RUFY2: variants seen among roughly 807,000 people sequenced by gnomAD.
The protein encoded by RUFY2 is RUN and FYVE domain containing 2, also known as RUN and FYVE domain-containing protein 2.
Under a neutral mutation model 94.4 loss-of-function variants are expected in RUFY2, and 49 were observed. That is an observed-to-expected ratio of 0.52 (90% confidence interval 0.41 to 0.66). The LOEUF (loss-of-function observed/expected upper bound fraction) is 0.66, where lower values mean the gene tolerates loss of function less well. Among genes scored for constraint, RUFY2 ranks in the 30% least tolerant of loss-of-function variants. The pLI, the probability that RUFY2 is intolerant of heterozygous loss-of-function variation, is 0.00. For missense variants in RUFY2, 541 were observed against 692.8 expected (o/e 0.78, Z 2.46); for synonymous variants, 255 against 235.7 (o/e 1.08, Z -0.75).
intron 2 of RUFY2, among the ~76,000 whole-genome samples, chr10:68,403,612 G>A (rs1169456053): frequency 1.3e-5 from 2 of 152,096 alleles, no homozygotes; most frequent in African/African-American, 4.8e-5. Flanking sequence ...TGTTGTTTAT[G>A]TACAAAAAGA....
intron 16 of RUFY2, among the ~76,000 whole-genome samples, chr10:68,349,830 G>GC (rs2046542773): frequency 6.6e-6 from 1 of 151,794 alleles, no homozygotes; most frequent in African/African-American, 2.4e-5. Flanking sequence ...GAGCCACCGC[G>GC]CCCGGCCAGA....
chr10:68,370,445 T>C (rs1038362206), intron 13 of RUFY2, among the ~76,000 whole-genome samples: 1 of 146,866 alleles, frequency 6.8e-6, no homozygotes, highest in African/African-American at 2.5e-5. Flanking sequence ...GCATTTCTTT[T>C]TTCTTTTTTT....
chr10:68,361,100 G>C (rs893104170), intron 15 of RUFY2, among the ~76,000 whole-genome samples: 11 of 151,988 alleles, frequency 7.2e-5, no homozygotes, highest in African/African-American at 2.4e-4. Flanking sequence ...TGGCCAACAT[G>C]GTAAAACGCT....
intron 13 of RUFY2, among the ~76,000 whole-genome samples, chr10:68,365,797 G>A (rs2047766931): frequency 6.6e-6 from 1 of 152,044 alleles, no homozygotes; most frequent in Non-Finnish European, 1.5e-5. Context: ...GAGTTTCCAA[G>A]AACCGTTGAT....
chr10:68,398,569 T>C (rs1248239006), intron 3 of RUFY2, among the ~76,000 whole-genome samples: 4 of 152,218 alleles, frequency 2.6e-5, no homozygotes, highest in South Asian at 2.1e-4. Flanking sequence ...GGAGAATCGC[T>C]TGAACCCAGG....
At chr10:68,372,583 T>TTA (rs1383576076) in intron 13 of RUFY2, among the ~76,000 whole-genome samples, 6 of 96,368 alleles carry the variant, frequency 6.2e-5, no homozygotes, top group African/African-American at 2.4e-4. Context: ...CCTCTCTCTT[T>TTA]AAAAAAAAAA....
chr10:68,382,599 A>T (rs936474681), intron 10 of RUFY2, among the ~76,000 whole-genome samples: 5 of 151,232 alleles, frequency 3.3e-5, no homozygotes, highest in Non-Finnish European at 5.9e-5. Context: ...CTATAGTCCC[A>T]GCTACTCGGG....
chr10:68,343,129 T>A (rs1467311284), downstream of RUFY2: 1 of 152,246 alleles, frequency 6.6e-6, no homozygotes, highest in Middle Eastern at 3.2e-3. Context: ...GTGAATTCAG[T>A]TATTGAACTT....
At chr10:68,379,391 GA>G (rs780930417) in intron 12 of RUFY2, 32 bp downstream of exon 12, 35 of 1,487,532 alleles carry the variant, frequency 2.4e-5, no homozygotes, top group African/African-American at 1.4e-4. Context: ...AAGAAGAAAA[GA>G]AAAAAAGAAA....
intron 16 of RUFY2, among the ~76,000 whole-genome samples, chr10:68,347,133 A>G (rs1416662534): frequency 2.6e-5 from 4 of 152,024 alleles, no homozygotes; most frequent in Non-Finnish European, 5.9e-5. Flanking sequence ...CTCAAGAAAA[A>G]GAGGGGAAAA....
rs1554869876 is a variant in RUFY2, at chr10:68,343,808, T to TTAAAAAA, written c.*1959_*1960insTTTTTTA. ...GCAAGTTGCTGTCATAAAAGCTGCCTAAAAAAAAAAAAAAAAAAAAAAAAA... is the reference window on the plus strand; with the variant it reads ...GCAAGTTGCTGTCATAAAAGCTGCCTTAAAAAAAAAAAAAAAAAAAAAAAAAAAAAAA... On this transcript the variant is annotated 3_prime_UTR_variant, in exon 18 of 18. Transcript: ENST00000602465. 8 of 115,662 alleles carry TTAAAAAA rather than the reference T, an allele frequency of 6.9e-5. 1 individual carries two copies. The highest frequency in any genetic ancestry group is 2.4e-4 in the East Asian group (1 of 4,220). 7.2% of individuals were successfully genotyped at this position (115,662 alleles called of 1,614,324 possible).
At chr10:68,362,321 A>T (rs1318669841) in intron 15 of RUFY2, among the ~76,000 whole-genome samples, 1 of 151,914 alleles carries the variant, frequency 6.6e-6, no homozygotes, top group African/African-American at 2.4e-5. Context: ...TGAGAGCAAG[A>T]CCTTGTCTCA....
At chr10:68,403,150 T>C (rs2050993486) in intron 2 of RUFY2, among the ~76,000 whole-genome samples, 1 of 151,234 alleles carries the variant, frequency 6.6e-6, no homozygotes. Context: ...CCAGCCACTT[T>C]TTTTTTTAAA....
Position 68,386,050 on chromosome 10 carries a change from A to C in RUFY2, c.720+9T>G, listed in dbSNP as rs1323016094. 2.5e-6 allele frequency: 4 copies of C among 1,575,214 alleles called. No homozygotes were observed. In the African/African-American group the frequency reaches 5.4e-5, roughly 21 times the overall value. On this transcript the variant is annotated intron_variant, in intron 8 of 17. Transcript: ENST00000602465. ...GGTCCATGAAATACATTTATCCATT[A>C]GACAATACCTCTTCAATCAGCTTAG...
chr10:68,355,392 A>G lies in RUFY2; in HGVS notation c.1560T>C (p.Leu520=), dbSNP rs1260209408. 3 of 1,608,194 alleles carry G rather than the reference A, an allele frequency of 1.9e-6. No individual in the cohort carries two copies. The highest frequency in any genetic ancestry group is 2.6e-6 in the Non-Finnish European group (3 of 1,175,074). ...TGGCTTCTTTTATGTCTTCAATTTT[A>G]AGTTTTGATCTAAAAAGATTACAAA... is the stretch of plus-strand genomic sequence containing the variant. ...ELGNKLSESK[L]KIEDIKEANK... Residue 520 remains leucine, a synonymous_variant, in exon 16 of 18, where the codon CTT becomes CTC. Coordinates refer to ENST00000602465, the MANE Select transcript of RUFY2 (RefSeq NM_001330103.2).
chr10:68,381,085 T>C, intron 11 of RUFY2, 147 bp downstream of exon 11: 1 of 487,058 alleles, frequency 2.1e-6, no homozygotes, highest in African/African-American at 2.0e-5. Flanking sequence ...ATTACATTTC[T>C]TAAGCTTTCA....
chr10:68,352,799 A>C (rs2046775923), intron 16 of RUFY2, among the ~76,000 whole-genome samples: 1 of 152,086 alleles, frequency 6.6e-6, no homozygotes, highest in Admixed American at 6.6e-5. Context: ...ACATGCCTGT[A>C]ATCTCAGCTA....
chr10:68,398,017 T>C (rs1255033287), intron 3 of RUFY2, among the ~76,000 whole-genome samples: 2 of 149,022 alleles, frequency 1.3e-5, no homozygotes, highest in Admixed American at 6.8e-5. Flanking sequence ...ATCCCAGCTA[T>C]TCAGGAGGCT....
chr10:68,367,740 C>G (rs61857319), intron 13 of RUFY2, among the ~76,000 whole-genome samples: 13,151 of 135,420 alleles, frequency 0.097, 898 homozygotes, highest in South Asian at 0.25. Flanking sequence ...CTCCCTCCCT[C>G]TCTCTCTCTC....
Sources: gnomAD v4.1 joint callset for allele counts (sites outside exome capture counted in the v4.1 genomes callset) on GRCh38, gnomAD v4.1.1 for gene constraint, MANE v1.5 for transcripts, NCBI Gene and HGNC (gene_info 2026-07-23, HGNC 2026-07-21) for gene names.